The following NRG2 variants were observed in gnomAD, a reference collection of about 807,000 sequenced individuals.
NRG2 encodes pro-neuregulin-2, membrane-bound isoform.
NRG2 carries 27 observed loss-of-function variants against 73.9 expected under a neutral mutation model. The ratio of observed to expected loss-of-function variants is 0.37; its 90% CI spans 0.27 to 0.50. NRG2 has a LOEUF of 0.50. NRG2 is among the 20% of genes least tolerant of loss of function. The probability of loss-of-function intolerance (pLI) is 0.96; values close to 1 mark genes in which losing one functional copy is unlikely to be tolerated. For missense variants in NRG2, 1,126 were observed against 1,210.1 expected (o/e 0.93, Z 1.03); for synonymous variants, 532 against 541.0 (o/e 0.98, Z 0.23).
intron 1 of NRG2, among the ~76,000 whole-genome samples, 192 bp downstream of exon 1, chr5:140,042,178 C>T (rs1197603453): frequency 1.3e-5 from 2 of 149,068 alleles, no homozygotes; most frequent in East Asian, 2.0e-4. Context: ...ACACTTTGAG[C>T]CTGATCCTTC....
chr5:139,991,461 T>C (rs1316181903), intron 1 of NRG2, among the ~76,000 whole-genome samples: 2 of 152,086 alleles, frequency 1.3e-5, no homozygotes, highest in African/African-American at 4.8e-5. Flanking sequence ...TTATTATTAT[T>C]AATATAACTA....
chr5:139,968,447 T>TA (rs1430020614), intron 1 of NRG2, among the ~76,000 whole-genome samples: 2 of 152,124 alleles, frequency 1.3e-5, no homozygotes, highest in African/African-American at 4.8e-5. Flanking sequence ...TAGACCAGAA[T>TA]TTTTTCTGAC....
intron 1 of NRG2, among the ~76,000 whole-genome samples, chr5:139,944,816 C>T (rs1291918746): frequency 1.3e-5 from 2 of 152,092 alleles, no homozygotes; most frequent in Non-Finnish European, 2.9e-5. Context: ...TTGTATTGTT[C>T]TGAGAGACCC....
chr5:139,907,096 T>C (rs1475157815), intron 1 of NRG2, among the ~76,000 whole-genome samples: 4 of 152,116 alleles, frequency 2.6e-5, no homozygotes, highest in Admixed American at 6.5e-5. Context: ...TATGAGTGTA[T>C]GCCTGTGTCT....
At chr5:139,872,641 G>A (rs1370423909) in intron 3 of NRG2, among the ~76,000 whole-genome samples, 5 of 152,152 alleles carry the variant, frequency 3.3e-5, no homozygotes, top group Non-Finnish European at 5.9e-5. Context: ...ACAGGGCCAG[G>A]GAAAGGGAAG....
chr5:139,933,838 G>A (rs550108023), intron 1 of NRG2, among the ~76,000 whole-genome samples: 8 of 152,300 alleles, frequency 5.3e-5, no homozygotes, highest in East Asian at 1.9e-4. Context: ...ATGCTTGGCC[G>A]TAAAAGCAAA....
intron 1 of NRG2, among the ~76,000 whole-genome samples, chr5:140,016,096 C>T (rs755550173): frequency 2.6e-5 from 4 of 152,102 alleles, no homozygotes; most frequent in African/African-American, 7.2e-5. Context: ...CTTGCCACGT[C>T]CTCAAGTTAG....
At position 139,848,183 on chromosome 5, in the gene NRG2, G is replaced by A. The variant is rs1158839512; in HGVS notation, c.2287C>T (p.Leu763=). The A allele has an allele frequency of 1.4e-6, 2 of 1,402,354 alleles. No homozygotes were observed. Among genetic ancestry groups the A allele is most frequent in the Non-Finnish European group, 1.8e-6 (2 of 1,083,876 alleles). The allele number at this position is 1,402,354 out of a possible 1,614,324, so 86.9% of individuals were successfully genotyped here. A position where few individuals can be genotyped will look rare whatever the true frequency, so the allele number is the denominator to read the frequency against. ...CCGCCCGAGCCGCTGCTCAGCGACA[G>A]CGAGTCCCTCGCCGCCCGTGCGCGC... ...AQRARAARDS[L]SLSSGSGGGS... is the part of the protein sequence containing the mutation. The change falls in exon 10 of 10, where the codon CTG becomes TTG. Residue 763 remains leucine (L), a synonymous_variant. Transcript: ENST00000361474.
At chr5:139,992,003 ACTTTTCTTTTTTCAGTATTTTAAAT>A (rs569013308) in intron 1 of NRG2, among the ~76,000 whole-genome samples, 25 of 151,862 alleles carry the variant, frequency 1.6e-4, no homozygotes, top group Non-Finnish European at 2.6e-4. Flanking sequence ...TTCTCTCCCT[ACTTTTCTTTTTTCAGTATTTTAAAT>A]CCTTACCAGG....
rs546806976 is a variant in NRG2 at position 139,868,529 on chromosome 5, G to A, written c.1113-2904C>T. Among the ~76,000 whole-genome samples the A allele has an allele frequency of 6.6e-6, 1 of 152,144 alleles. No homozygotes were observed. The highest frequency in any genetic ancestry group is 6.5e-5 in the Admixed American group (1 of 15,298). ...CACCAGGTCATCAGTTATGACTCTG[G>A]GGAAGGTCTGTCCCCAGGGCTGGAG... On this transcript the variant is annotated intron_variant, in intron 4 of 9. Coordinates refer to ENST00000361474, the MANE Select transcript of NRG2 (RefSeq NM_004883.3). The surrounding 1 kb of genome is among the most constrained non-coding windows in gnomAD (Gnocchi z 4.2).
At chr5:139,849,109 GCCAGTC>G (rs1202283908) in intron 9 of NRG2, among the ~76,000 whole-genome samples, 1 of 152,072 alleles carries the variant, frequency 6.6e-6, no homozygotes, top group East Asian at 1.9e-4. Context: ...AGACCCTTCC[GCCAGTC>G]CCATTCTACA....
chr5:139,990,544 G>A (rs1228263837), intron 1 of NRG2, among the ~76,000 whole-genome samples: 1 of 152,092 alleles, frequency 6.6e-6, no homozygotes, highest in African/African-American at 2.4e-5. Context: ...GGGCTCAAGT[G>A]ATCCACCTGA....
At position 140,029,468 on chromosome 5, in the gene NRG2, C is replaced by T. The variant is rs191869916; in HGVS notation, c.700+12902G>A. 6.1e-4 allele frequency among the ~76,000 whole-genome samples: 93 copies of T among 152,218 alleles called. 4 individuals carry two copies. In the East Asian group the frequency reaches 0.016, roughly 26 times the overall value. ...TCACAATGCTATAAGGTAGGTATTACTGTGAGCCCCATAATATAGTTGGGA... is the reference window on the plus strand; with the variant it reads ...TCACAATGCTATAAGGTAGGTATTATTGTGAGCCCCATAATATAGTTGGGA... On this transcript the variant is annotated intron_variant, in intron 1 of 9. Coordinates refer to ENST00000361474, the MANE Select transcript of NRG2 (RefSeq NM_004883.3).
intron 3 of NRG2, among the ~76,000 whole-genome samples, chr5:139,878,910 A>G (rs1763355194): frequency 6.6e-6 from 1 of 152,154 alleles, no homozygotes; most frequent in South Asian, 2.1e-4. Context: ...CTCTTATATA[A>G]TATTTACCAG....
intron 1 of NRG2, among the ~76,000 whole-genome samples, chr5:139,920,714 G>A (rs1219415470): frequency 1.3e-5 from 2 of 152,116 alleles, no homozygotes; most frequent in African/African-American, 4.8e-5. Context: ...GGGGGCATCT[G>A]GAGTGGAGAC....
At chr5:139,934,069 C>G (rs1462671510) in intron 1 of NRG2, among the ~76,000 whole-genome samples, 1 of 152,120 alleles carries the variant, frequency 6.6e-6, no homozygotes, top group African/African-American at 2.4e-5. Context: ...CATGGTGGCA[C>G]ATGCCTGTGG....
intron 3 of NRG2, among the ~76,000 whole-genome samples, chr5:139,877,438 C>T (rs1477533414): frequency 6.6e-6 from 1 of 152,258 alleles, no homozygotes; most frequent in Non-Finnish European, 1.5e-5. Context: ...CCTGGTTTCC[C>T]TTCGGCCTGG....
chr5:140,037,472 T>C (rs1035290137), intron 1 of NRG2, among the ~76,000 whole-genome samples: 1 of 152,184 alleles, frequency 6.6e-6, no homozygotes, highest in Admixed American at 6.5e-5. Context: ...AATAGATACT[T>C]GAGATAGAGG....
At chr5:139,935,820 G>A (rs935475433) in intron 1 of NRG2, among the ~76,000 whole-genome samples, 4 of 151,866 alleles carry the variant, frequency 2.6e-5, no homozygotes, top group African/African-American at 7.3e-5. Flanking sequence ...ATTAGCCAGC[G>A]TGGTGGTGCA....
Sources: allele counts gnomAD v4.1 joint callset (sites outside exome capture counted in the v4.1 genomes callset), GRCh38; gene constraint gnomAD v4.1.1; non-coding constraint Gnocchi (gnomAD v3.1); transcripts MANE v1.5; gene names NCBI Gene and HGNC (gene_info 2026-07-23, HGNC 2026-07-21).